Variants in FHAD1 observed in about 807,000 individuals in gnomAD.
FHAD1 encodes the protein forkhead associated phosphopeptide binding domain 1, also known as forkhead-associated domain-containing protein 1.
Under a neutral mutation model 191.3 loss-of-function variants are expected in FHAD1, and 146 were observed. That is an observed-to-expected ratio of 0.76 (90% CI 0.67 to 0.88). FHAD1 has a LOEUF of 0.88. FHAD1 is among the 40% of genes least tolerant of loss of function. The pLI is 0.00. For missense variants in FHAD1, 1,635 were observed against 1,785.8 expected, an observed-to-expected ratio of 0.92 and a Z score of 1.52; for synonymous variants, 616 against 672.3, an observed-to-expected ratio of 0.92 and a Z score of 1.29.
chr1:15,290,908 G>GT (rs1281008536), intron 4 of FHAD1, among the ~76,000 whole-genome samples: 2 of 151,834 alleles, frequency 1.3e-5, no homozygotes, highest in African/African-American at 4.8e-5. Flanking sequence ...TAGAGATGGG[G>GT]TTTCACCATG....
At chr1:15,349,771 G>A (rs1473747800) in intron 19 of FHAD1, among the ~76,000 whole-genome samples, 1 of 152,192 alleles carries the variant, frequency 6.6e-6, no homozygotes, top group East Asian at 1.9e-4. Flanking sequence ...GAGAAGATGG[G>A]CACCCCAGGA....
chr1:15,296,957 G>A (rs892272968), intron 5 of FHAD1, among the ~76,000 whole-genome samples, 164 bp downstream of exon 5: 3 of 152,160 alleles, frequency 2.0e-5, no homozygotes, highest in Non-Finnish European at 2.9e-5. Flanking sequence ...TCTAAATTAC[G>A]ACCTCCGCAA....
At chr1:15,358,590 A>G (rs1427660637) in intron 21 of FHAD1, among the ~76,000 whole-genome samples, 2 of 152,214 alleles carry the variant, frequency 1.3e-5, no homozygotes, top group Non-Finnish European at 2.9e-5. Flanking sequence ...CGAAATGTAC[A>G]CAGAGCTAGG....
In FHAD1 at chr1:15,308,753, G is replaced by A. The variant is rs541350300; in HGVS notation, c.1039+17G>A. The A allele has an allele frequency of 9.7e-6, 15 of 1,551,328 alleles. No individual in the cohort carries two copies. Among genetic ancestry groups the A allele is most frequent in the Middle Eastern group, 1.7e-4 (1 of 5,962 alleles). On this transcript the variant is annotated intron_variant, in intron 7 of 33. Transcript: ENST00000688493. ...TCACATCAGGTGAGCCCTTGGAGTC[G>A]GGCCTGGGAGCTGCCACTCCCGCAC...
upstream of FHAD1, among the ~76,000 whole-genome samples, chr1:15,243,452 T>C (rs546912878): frequency 6.6e-6 from 1 of 152,340 alleles, no homozygotes; most frequent in East Asian, 1.9e-4. Flanking sequence ...CCATAGAGGC[T>C]GAGGAAGCCT....
Position 15,308,614 on chromosome 1 carries a change from TCAGTGCCCTA to T in FHAD1, c.921_930del (p.Ser307ArgfsTer22), listed in dbSNP as rs1489072457. On this transcript the variant is annotated frameshift_variant and splice_region_variant, in exon 7 of 34. Transcript: ENST00000688493. LOFTEE classifies it high-confidence loss of function. ...TGACTGTGCCACCTCCTCCCACAGATCAGTGCCCTACAGAAAGGCTACAGCAAGGTGCTGT... is the reference window on the plus strand; with the variant it reads ...TGACTGTGCCACCTCCTCCCACAGATCAGAAAGGCTACAGCAAGGTGCTGT... The T allele has an allele frequency of 6.4e-7, 1 of 1,551,690 alleles. No individual in the cohort carries two copies. Among genetic ancestry groups the T allele is most frequent in the South Asian group, 1.2e-5 (1 of 84,062 alleles).
intron 14 of FHAD1, among the ~76,000 whole-genome samples, chr1:15,330,812 C>T (rs888598187): frequency 6.6e-6 from 1 of 152,092 alleles, no homozygotes; most frequent in African/African-American, 2.4e-5. Flanking sequence ...ATTCTAAGGG[C>T]AGAGAGAAGC....
At chr1:15,257,860 CAG>C (rs958595503) in intron 2 of FHAD1, among the ~76,000 whole-genome samples, 2 of 152,286 alleles carry the variant, frequency 1.3e-5, no homozygotes, top group African/African-American at 2.4e-5. Context: ...GGAGGGGAGA[CAG>C]AGTCTCGCTC....
chr1:15,263,727 T>C (rs1473796497), intron 2 of FHAD1, among the ~76,000 whole-genome samples: 1 of 152,020 alleles, frequency 6.6e-6, no homozygotes, highest in Non-Finnish European at 1.5e-5. Flanking sequence ...TTCATTGTGT[T>C]AGCCCAGATG....
chr1:15,324,594 C>A (rs1464677290), intron 11 of FHAD1, 35 bp downstream of exon 11: 4 of 1,442,486 alleles, frequency 2.8e-6, no homozygotes, highest in Non-Finnish European at 2.9e-6. Flanking sequence ...CATTGGCCCA[C>A]GCTCTCCAAT....
Position 15,360,461 on chromosome 1 carries a change from G to T in FHAD1, c.2737-17G>T. On this transcript the variant is annotated splice_polypyrimidine_tract_variant and intron_variant, in intron 21 of 33. Coordinates refer to ENST00000688493, the MANE Select transcript of FHAD1 (RefSeq NM_001391957.1). Reference sequence around the variant, plus strand: ...CACAGCTCCCAAGACCTCACTGAGTGACTCTCTGTTTCCCAGATCATGGTG... The same window carrying T: ...CACAGCTCCCAAGACCTCACTGAGTTACTCTCTGTTTCCCAGATCATGGTG... 1 of 1,548,530 alleles carries T rather than the reference G, an allele frequency of 6.5e-7. No individual in the cohort carries two copies. Among genetic ancestry groups the T allele is most frequent in the South Asian group, 1.2e-5 (1 of 83,962 alleles).
At chr1:15,354,676 GA>G (rs34552889) in intron 20 of FHAD1, among the ~76,000 whole-genome samples, 3,549 of 148,704 alleles carry the variant, frequency 0.024, 152 homozygotes, top group African/African-American at 0.082. Flanking sequence ...TGAGACTAAT[GA>G]AAAAAAAAAG....
chr1:15,270,001 A>G (rs1430101853), intron 2 of FHAD1, among the ~76,000 whole-genome samples: 1 of 143,492 alleles, frequency 7.0e-6, no homozygotes, highest in Non-Finnish European at 1.5e-5. Context: ...ACCTCCACCT[A>G]CTGGGTTCAA....
chr1:15,269,012 C>T (rs1264067508), intron 2 of FHAD1, among the ~76,000 whole-genome samples: 1 of 151,994 alleles, frequency 6.6e-6, no homozygotes, highest in Non-Finnish European at 1.5e-5. Context: ...ATGGGATCAG[C>T]TGTGATGGCC....
At chr1:15,399,036 G>T (rs547169412), downstream of FHAD1, among the ~76,000 whole-genome samples, 7 of 152,174 alleles carry the variant, frequency 4.6e-5, no homozygotes, top group South Asian at 1.5e-3. Context: ...TGGCCAGACT[G>T]GTCTAGAACT....
At chr1:15,293,541 A>G (rs1423364910) in intron 4 of FHAD1, among the ~76,000 whole-genome samples, 1 of 152,114 alleles carries the variant, frequency 6.6e-6, no homozygotes, top group Non-Finnish European at 1.5e-5. Flanking sequence ...AACATGGTGA[A>G]ACCCCATCTC....
At chr1:15,336,612 C>A (rs137892775) in intron 14 of FHAD1, among the ~76,000 whole-genome samples, 2,102 of 152,290 alleles carry the variant, frequency 0.014, 17 homozygotes, top group Non-Finnish European at 0.021. Context: ...GCTGTACCAT[C>A]CTGAAAAAAA....
In FHAD1 at chr1:15,260,860, G is replaced by A. The variant is rs559652540; in HGVS notation, c.93+8983G>A. ...CCTCCCTGTTTCAAGATGAGTCATCGTTATCACTTCTGCACCATCCCTTTG... is the reference window on the plus strand; with the variant it reads ...CCTCCCTGTTTCAAGATGAGTCATCATTATCACTTCTGCACCATCCCTTTG... On this transcript the variant is annotated intron_variant, in intron 2 of 33. Coordinates refer to ENST00000688493, the MANE Select transcript of FHAD1 (RefSeq NM_001391957.1). Among the ~76,000 whole-genome samples, 225 of 152,324 alleles carry A rather than the reference G, an allele frequency of 1.5e-3. 1 individual carries two copies. The highest frequency in any genetic ancestry group is 4.8e-3 in the African/African-American group (200 of 41,576).
At chr1:15,355,850 T>C (rs1413533442) in intron 20 of FHAD1, among the ~76,000 whole-genome samples, 2 of 149,186 alleles carry the variant, frequency 1.3e-5, no homozygotes, top group Admixed American at 6.8e-5. Flanking sequence ...AATAACACAA[T>C]GAAAACGGTA....
Sources: allele counts gnomAD v4.1 joint callset (sites outside exome capture counted in the v4.1 genomes callset), GRCh38; gene constraint gnomAD v4.1.1; transcripts MANE v1.5; gene names NCBI Gene and HGNC (gene_info 2026-07-23, HGNC 2026-07-21).